BLVRB: variants seen among roughly 807,000 people sequenced by gnomAD.
BLVRB encodes biliverdin reductase B.
BLVRB carries 25 observed loss-of-function variants against 21.1 expected under a neutral mutation model. The ratio of observed to expected loss-of-function variants is 1.19; its 90% confidence interval spans 0.86 to 1.66. The LOEUF is 1.66. BLVRB is among the 40% of genes most tolerant of loss of function. The pLI, the probability that BLVRB is intolerant of heterozygous loss-of-function variation, is 0.00. For missense variants in BLVRB, 274 were observed against 282.7 expected, an observed-to-expected ratio of 0.97 and a Z score of 0.22; for synonymous variants, 128 against 122.2, an observed-to-expected ratio of 1.05 and a Z score of -0.31.
At chr19:40,459,194 T>C (rs527409957) in intron 1 of BLVRB, among the ~76,000 whole-genome samples, 6 of 150,342 alleles carry the variant, frequency 4.0e-5, no homozygotes, top group African/African-American at 1.2e-4. Context: ...CCAGGCATGG[T>C]GGCACATACC....
At chr19:40,452,898 A>AAC (rs1568737318) in intron 3 of BLVRB, among the ~76,000 whole-genome samples, 4 of 145,286 alleles carry the variant, frequency 2.8e-5, no homozygotes, top group African/African-American at 5.5e-5. Context: ...AACAAAACAA[A>AAC]AAAAACACAA....
intron 4 of BLVRB, among the ~76,000 whole-genome samples, chr19:40,449,160 A>G (rs1461432160): frequency 6.6e-6 from 1 of 152,134 alleles, no homozygotes; most frequent in Non-Finnish European, 1.5e-5. Context: ...CAAAACAGCT[A>G]GAAAAATCCA....
intron 4 of BLVRB, among the ~76,000 whole-genome samples, chr19:40,450,686 G>T (rs559878049): frequency 6.6e-6 from 1 of 150,824 alleles, no homozygotes; most frequent in Non-Finnish European, 1.5e-5. Context: ...GGGACCACAG[G>T]TGTGTGCCAC....
chr19:40,449,210 A>G (rs1185584546), intron 4 of BLVRB, among the ~76,000 whole-genome samples: 1 of 152,090 alleles, frequency 6.6e-6, no homozygotes, highest in Non-Finnish European at 1.5e-5. Flanking sequence ...GGTTAATGTT[A>G]TGAGAAACTT....
At chr19:40,451,283 G>A in intron 4 of BLVRB, 81 bp downstream of exon 4, 1 of 1,547,728 alleles carries the variant, frequency 6.5e-7, no homozygotes, top group Admixed American at 2.0e-5. Context: ...GGGTGGTCAG[G>A]GAAGGCCTTG....
intron 1 of BLVRB, among the ~76,000 whole-genome samples, chr19:40,459,459 A>T (rs117718518): frequency 0.073 from 10,420 of 142,488 alleles, 547 homozygotes; most frequent in Non-Finnish European, 0.11. Context: ...TATTATTATT[A>T]TTTTTTGAGA....
intron 3 of BLVRB, among the ~76,000 whole-genome samples, chr19:40,455,065 C>T (rs907248118): frequency 2.0e-5 from 3 of 150,468 alleles, no homozygotes; most frequent in African/African-American, 7.4e-5. Context: ...CAGACTGGTC[C>T]TGCACTCCTG....
At chr19:40,455,207 C>T (rs1254721688) in intron 3 of BLVRB, among the ~76,000 whole-genome samples, 3 of 152,132 alleles carry the variant, frequency 2.0e-5, no homozygotes, top group Non-Finnish European at 4.4e-5. Context: ...CCTCCCCAAG[C>T]CCTAATGGAT....
In BLVRB at chr19:40,447,843, G is replaced by A; in HGVS notation, c.*46C>T. 3.8e-6 allele frequency: 6 copies of A among 1,586,412 alleles called. No individual in the cohort carries two copies. Among genetic ancestry groups the A allele is most frequent in the Non-Finnish European group, 5.2e-6 (6 of 1,158,548 alleles). ...TCAACATTTATTGCCCCCTTCCTTT[G>A]CTCCTCATGTCCCAGAATGCCACCC... On this transcript the variant is annotated 3_prime_UTR_variant, in exon 5 of 5. Transcript: ENST00000263368.
chr19:40,451,306 G>T, intron 4 of BLVRB, 58 bp downstream of exon 4: 1 of 1,568,110 alleles, frequency 6.4e-7, no homozygotes, highest in Admixed American at 1.9e-5. Flanking sequence ...GATCTCCCCA[G>T]AGGGCAGGAG....
In BLVRB at chr19:40,460,269, T is replaced by TATATATATATATATATATATAC. The variant is rs1281133813; in HGVS notation, c.80-1725_80-1724insGTATATATATATATATATATAT. ...CAACATATATATATATATATATATA[T>TATATATATATATATATATATAC]ATATATTTAGAGACAGGGTCTTGCT... is the stretch of plus-strand genomic sequence containing the variant. On this transcript the variant is annotated intron_variant, in intron 1 of 4. Coordinates refer to ENST00000263368, the MANE Select transcript of BLVRB (RefSeq NM_000713.3). Among the ~76,000 whole-genome samples the TATATATATATATATATATATAC allele has an allele frequency of 1.7e-3, 242 of 140,640 alleles. 9 individuals are homozygous for TATATATATATATATATATATAC. Among genetic ancestry groups the TATATATATATATATATATATAC allele is most frequent in the African/African-American group, 6.5e-3 (232 of 35,720 alleles). 92.3% of individuals were successfully genotyped at this position (140,640 alleles called of 152,430 possible).
At chr19:40,465,436 T>C (rs1329450055) in intron 1 of BLVRB, among the ~76,000 whole-genome samples, 174 bp downstream of exon 1, 1 of 152,196 alleles carries the variant, frequency 6.6e-6, no homozygotes, top group Non-Finnish European at 1.5e-5. Context: ...TAAACTTGGA[T>C]CTCACATCTT....
At chr19:40,454,960 G>A (rs56232745) in intron 3 of BLVRB, among the ~76,000 whole-genome samples, 17 of 152,154 alleles carry the variant, frequency 1.1e-4, no homozygotes, top group Non-Finnish European at 2.4e-4. Context: ...TCCTACCTAA[G>A]CTTCCCAAGT....
intron 3 of BLVRB, among the ~76,000 whole-genome samples, chr19:40,454,209 A>C (rs984815719): frequency 1.3e-5 from 2 of 151,198 alleles, no homozygotes; most frequent in African/African-American, 2.4e-5. Flanking sequence ...TCTCACTGCA[A>C]CCTCCACCTA....
intron 4 of BLVRB, among the ~76,000 whole-genome samples, chr19:40,449,750 A>G (rs1599685212): frequency 6.6e-6 from 1 of 152,366 alleles, no homozygotes; most frequent in East Asian, 1.9e-4. Context: ...ATGTTTTCAC[A>G]ATATATTCAG....
rs1345327899 is a variant in BLVRB, at chr19:40,451,415, C to T, written c.412G>A (p.Val138Met). ...VTDDHIRMHK[V>M]LRESGLKYVA... ...TACTTCAGGCCTGATTCCCGCAGCA[C>T]CTTGTGCATCCGGATGTGGTCATCA... Residue 138 changes from valine to methionine, a missense_variant, in exon 4 of 5, where the codon GTG becomes ATG. Coordinates refer to ENST00000263368, the MANE Select transcript of BLVRB (RefSeq NM_000713.3). 17 of 1,612,742 alleles carry T rather than the reference C, an allele frequency of 1.1e-5. No individual in the cohort carries two copies. Among genetic ancestry groups the T allele is most frequent in the Non-Finnish European group, 1.4e-5 (17 of 1,179,554 alleles).
chr19:40,464,260 T>A (rs192197705), intron 1 of BLVRB, among the ~76,000 whole-genome samples: 58 of 152,042 alleles, frequency 3.8e-4, no homozygotes, highest in Non-Finnish European at 5.6e-4. Context: ...TAATTTATTT[T>A]TTTTTTGTAT....
At chr19:40,452,745 G>C (rs2079745487) in intron 3 of BLVRB, among the ~76,000 whole-genome samples, 1 of 152,010 alleles carries the variant, frequency 6.6e-6, no homozygotes, top group South Asian at 2.1e-4. Context: ...CATGCCTGTA[G>C]TCCTAGCTAC....
Position 40,459,327 on chromosome 19 carries a change from CAAAAAAAAAAAAAAAAAA to C in BLVRB, c.80-800_80-783del, listed in dbSNP as rs751696189. Reference sequence around the variant, plus strand: ...TGGATGACAAAGCGAGACTCTATCTCAAAAAAAAAAAAAAAAAAAAAAAAAAAAAAAAAAAAGACCATA... The same window carrying C: ...TGGATGACAAAGCGAGACTCTATCTCAAAAAAAAAAAAAAAAAAGACCATA... On this transcript the variant is annotated intron_variant, in intron 1 of 4. Transcript: ENST00000263368. Among the ~76,000 whole-genome samples, 18 of 34,428 alleles carry C rather than the reference CAAAAAAAAAAAAAAAAAA, an allele frequency of 5.2e-4. No homozygotes were observed. In the South Asian group the frequency reaches 8.7e-3, roughly 17 times the overall value. The allele number at this position is 34,428 out of a possible 152,430, so 22.6% of individuals were successfully genotyped here. A position where few individuals can be genotyped will look rare whatever the true frequency, so the allele number is the denominator to read the frequency against.
Sources: allele counts gnomAD v4.1 joint callset (sites outside exome capture counted in the v4.1 genomes callset), GRCh38; gene constraint gnomAD v4.1.1; transcripts MANE v1.5; gene names NCBI Gene and HGNC (gene_info 2026-07-23, HGNC 2026-07-21).